DICER1: variants seen among roughly 807,000 people sequenced by gnomAD.
The protein encoded by DICER1 is endoribonuclease Dicer.
DICER1 carries 43 observed loss-of-function variants against 194.1 expected under a neutral mutation model. The observed-to-expected ratio is 0.22, with a 90% CI of 0.17 to 0.29. The LOEUF (loss-of-function observed/expected upper bound fraction) is 0.29. DICER1 is among the 10% of genes least tolerant of loss of function. The probability of loss-of-function intolerance (pLI) is 1.00; values close to 1 mark genes in which losing one functional copy is unlikely to be tolerated. For synonymous variants in DICER1, 832 were observed against 820.5 expected, an observed-to-expected ratio of 1.01 and a Z score of -0.24; for missense variants, 1,608 against 2,317.0, an observed-to-expected ratio of 0.69 and a Z score of 6.28.
At chr14:95,109,991 T>C (rs1343022477) in intron 14 of DICER1, among the ~76,000 whole-genome samples, 3 of 152,220 alleles carry the variant, frequency 2.0e-5, no homozygotes, top group African/African-American at 7.2e-5. Context: ...TTAAAAAGCA[T>C]AATATATGCT....
intron 11 of DICER1, 152 bp downstream of exon 11, chr14:95,115,515 A>G (rs147983921): frequency 2.3e-6 from 2 of 868,578 alleles, no homozygotes; most frequent in African/African-American, 3.4e-5. Context: ...TTAAAAAAAA[A>G]TGAAAAAAGA....
At chr14:95,137,378 G>A (rs188997203) in intron 1 of DICER1, among the ~76,000 whole-genome samples, 1 of 138,482 alleles carries the variant, frequency 7.2e-6, no homozygotes, top group Non-Finnish European at 1.5e-5. Context: ...GAAGGGGGAA[G>A]GGGAAGGAAA....
Position 95,108,243 on chromosome 14 carries a change from G to C in DICER1, c.2436+81C>G, listed in dbSNP as rs1891630181. ...TATTAAACATACTGAGGTAACAAAA[G>C]GTACTTACTACTAGTTTTTTTTTTT... is the stretch of plus-strand genomic sequence containing the variant. On this transcript the variant is annotated intron_variant, in intron 15 of 26. Coordinates refer to ENST00000343455, the MANE Select transcript of DICER1 (RefSeq NM_177438.3). 10 of 1,407,570 alleles carry C rather than the reference G, an allele frequency of 7.1e-6. No homozygotes were observed. The South Asian group carries it at 1.2e-4, about 16-fold the overall frequency. The allele number at this position is 1,407,570 out of a possible 1,614,324, so 87.2% of individuals were successfully genotyped here.
chr14:95,148,772 A>C (rs1895310272), intron 1 of DICER1, among the ~76,000 whole-genome samples: 1 of 152,210 alleles, frequency 6.6e-6, no homozygotes, highest in Non-Finnish European at 1.5e-5. Context: ...ACATTTCAAC[A>C]CATCAAAACA....
chr14:95,110,934 G>A (rs1411332149), intron 14 of DICER1, among the ~76,000 whole-genome samples: 2 of 152,058 alleles, frequency 1.3e-5, no homozygotes, highest in Non-Finnish European at 2.9e-5. Context: ...CTTTTCACTT[G>A]CTTATTTTAT....
At chr14:95,142,122 T>C (rs999930797) in intron 1 of DICER1, among the ~76,000 whole-genome samples, 3 of 147,968 alleles carry the variant, frequency 2.0e-5, no homozygotes, top group African/African-American at 5.2e-5. Context: ...TTGTTTTTTA[T>C]TTTTTTTTTC....
intron 24 of DICER1, 120 bp from the exon 25 acceptor site, chr14:95,091,485 C>T (rs1365572013): frequency 7.7e-6 from 7 of 909,048 alleles, no homozygotes; most frequent in Non-Finnish European, 1.3e-5. Flanking sequence ...GGGGGAAATA[C>T]CATTTATGGT....
rs1024226278 is a variant in DICER1, at chr14:95,124,358, T to C, written c.1214A>G (p.Asn405Ser). 2 of 1,614,066 alleles carry C rather than the reference T, an allele frequency of 1.2e-6. No individual in the cohort carries two copies. Among genetic ancestry groups the C allele is most frequent in the African/African-American group, 2.7e-5 (2 of 75,048 alleles). The change falls in exon 8 of 27, where the codon AAT (asparagine) becomes AGT (serine). Residue 405 changes from asparagine to serine, a missense_variant. Transcript: ENST00000343455. This position sits in a 1 kb window ranked among gnomAD's most constrained non-coding sequence, Gnocchi z 4.5. Reference sequence around the variant, plus strand: ...ACTCCATGACACATAATTATCCTGATTTCTATTATTATACCACTCAACGCT... The same window carrying C: ...ACTCCATGACACATAATTATCCTGACTTCTATTATTATACCACTCAACGCT... ...FESVEWYNNR[N>S]QDNYVSWSDS...
At position 95,113,097 on chromosome 14, in the gene DICER1, T is replaced by C. The variant is rs1224940599; in HGVS notation, c.2035A>G (p.Ile679Val). The stretch of plus-strand genomic sequence containing the variant: ...ATTTCTTCTTCTAAACTTACAACAA[T>C]GGAGGCTCGAAGAGGTGAGTTAATT... ...LPINSPLRAS[I>V]VGPPMSCVRL... Residue 679 changes from isoleucine to valine, a missense_variant, in exon 12 of 27, where the codon ATT becomes GTT. Ile to Val is a conservative substitution (Grantham distance 29, BLOSUM62 3). Coordinates refer to ENST00000343455, the MANE Select transcript of DICER1 (RefSeq NM_177438.3). 3 of 1,613,648 alleles carry C rather than the reference T, an allele frequency of 1.9e-6. No individual in the cohort carries two copies. The highest frequency in any genetic ancestry group is 2.5e-6 in the Non-Finnish European group (3 of 1,179,596).
At chr14:95,104,379 C>A (rs1891222074) in intron 20 of DICER1, among the ~76,000 whole-genome samples, 1 of 152,196 alleles carries the variant, frequency 6.6e-6, no homozygotes, top group South Asian at 2.1e-4. Context: ...TTGCAGGCAT[C>A]CTGCAGGACC....
intron 22 of DICER1, among the ~76,000 whole-genome samples, chr14:95,099,263 T>C (rs1890640841): frequency 6.6e-6 from 1 of 152,140 alleles, no homozygotes. Flanking sequence ...ACTGGCAAGA[T>C]TTAAATTATT....
rs1262301860 is a variant in DICER1, at chr14:95,089,978, A to G, written c.*520T>C. ...CCGGGAACATCACCTTACACAGTAT[A>G]ACGTGGAAAGAAAAGACAACATTGG... On this transcript the variant is annotated 3_prime_UTR_variant, in exon 27 of 27. Transcript: ENST00000343455. The G allele has an allele frequency of 7.3e-6, 2 of 274,590 alleles. No individual in the cohort carries two copies. The highest frequency in any genetic ancestry group is 9.5e-5 in the Admixed American group (2 of 21,002). 17.0% of individuals were successfully genotyped at this position (274,590 alleles called of 1,614,324 possible). A position where few individuals can be genotyped will look rare whatever the true frequency, so the allele number is the denominator to read the frequency against.
chr14:95,112,406 T>C (rs190912062), intron 12 of DICER1, among the ~76,000 whole-genome samples, 159 bp from the exon 13 acceptor site: 3 of 152,328 alleles, frequency 2.0e-5, no homozygotes. Flanking sequence ...TTAAAAATTC[T>C]AATCTCCATA....
intron 10 of DICER1, among the ~76,000 whole-genome samples, chr14:95,116,064 C>CAT (rs1009210302): frequency 6.8e-6 from 1 of 146,944 alleles, no homozygotes; most frequent in African/African-American, 2.7e-5. Context: ...CACAGACACA[C>CAT]ACACACACAC....
rs1301368807 is a variant in DICER1, at chr14:95,124,450, A to T, written c.1122T>A (p.Thr374=). ...SPASLDLKFV[T]PKVIKLLEIL... is the part of the protein sequence containing the mutation. ...TTTCGAGCAGTTTGATTACTTTAGGAGTTACAAATTTCAGGTCAAGTGAGG... is the reference window on the plus strand; with the variant it reads ...TTTCGAGCAGTTTGATTACTTTAGGTGTTACAAATTTCAGGTCAAGTGAGG... The change falls in exon 8 of 27, where the codon ACT becomes ACA. Residue 374 remains threonine (T), a synonymous_variant. Transcript: ENST00000343455. This position sits in a 1 kb window ranked among gnomAD's most constrained non-coding sequence, Gnocchi z 4.5. The T allele has an allele frequency of 6.2e-7, 1 of 1,614,124 alleles. No individual in the cohort carries two copies. The highest frequency in any genetic ancestry group is 2.2e-5 in the East Asian group (1 of 44,878).
chr14:95,119,440 C>T (rs963299748), intron 8 of DICER1, among the ~76,000 whole-genome samples: 2 of 152,184 alleles, frequency 1.3e-5, no homozygotes, highest in Admixed American at 6.5e-5. Context: ...TGAATCTTGG[C>T]CATGCCTAAC....
intron 1 of DICER1, among the ~76,000 whole-genome samples, chr14:95,147,589 C>CAA (rs1895220436): frequency 6.6e-6 from 1 of 152,194 alleles, no homozygotes; most frequent in South Asian, 2.1e-4. Flanking sequence ...TTTCTGTGAC[C>CAA]AAATGTGTGG....
intron 1 of DICER1, among the ~76,000 whole-genome samples, chr14:95,138,295 G>A (rs1894563225): frequency 6.7e-6 from 1 of 150,140 alleles, no homozygotes; most frequent in Admixed American, 6.6e-5. Context: ...ATAGGTAGCT[G>A]GTTTCTAAGA....
chr14:95,109,692 G>A lies in DICER1; in HGVS notation c.2257-1189C>T, dbSNP rs532103725. 1.3e-5 allele frequency among the ~76,000 whole-genome samples: 2 copies of A among 152,078 alleles called. 1 individual carries two copies. Among genetic ancestry groups the A allele is most frequent in the Non-Finnish European group, 2.9e-5 (2 of 68,030 alleles). On this transcript the variant is annotated intron_variant, in intron 14 of 26. Transcript: ENST00000343455. The stretch of plus-strand genomic sequence containing the variant: ...TCTGAATCTTGAAAATGCTAAGCTG[G>A]GTGCAAAATTTTATAAAGTAAAAAC...
Sources: allele counts gnomAD v4.1 joint callset (sites outside exome capture counted in the v4.1 genomes callset), GRCh38; gene constraint gnomAD v4.1.1; non-coding constraint Gnocchi (gnomAD v3.1); transcripts MANE v1.5; gene names NCBI Gene and HGNC (gene_info 2026-07-23, HGNC 2026-07-21).